MPP7: variants seen among roughly 807,000 people sequenced by gnomAD.
MPP7 encodes the protein MAGUK p55 scaffold protein 7.
Under a neutral mutation model 76.5 loss-of-function variants are expected in MPP7, and 60 were observed. That is an observed-to-expected ratio of 0.78 (90% CI 0.64 to 0.97). The LOEUF (loss-of-function observed/expected upper bound fraction) is 0.97, where lower values mean the gene tolerates loss of function less well. Among genes scored for constraint, MPP7 ranks in the 50% least tolerant of loss-of-function variants. MPP7 has a pLI of 0.00. For synonymous variants in MPP7, 237 were observed against 244.5 expected (o/e 0.97, Z 0.29); for missense variants, 641 against 694.0 (o/e 0.92, Z 0.86).
intron 1 of MPP7, among the ~76,000 whole-genome samples, chr10:28,302,337 C>G (rs1204564224): frequency 6.6e-6 from 1 of 152,096 alleles, no homozygotes; most frequent in Non-Finnish European, 1.5e-5. Context: ...TTTTAAATAG[C>G]AAATAAGTAA....
chr10:28,069,379 T>C (rs1285796009), intron 13 of MPP7, among the ~76,000 whole-genome samples: 1 of 151,964 alleles, frequency 6.6e-6, no homozygotes, highest in African/African-American at 2.4e-5. Context: ...CCGAGGCAGG[T>C]GGATCACAAG....
At chr10:28,305,265 T>C (rs1841245818), upstream of MPP7, 1 of 152,210 alleles carries the variant, frequency 6.6e-6, no homozygotes. Context: ...AGAGTGCTAC[T>C]AGACAGGTTG....
At chr10:28,312,102 T>C (rs1841293147) in intron 2 of MPP7, among the ~76,000 whole-genome samples, 1 of 152,156 alleles carries the variant, frequency 6.6e-6, no homozygotes, top group Non-Finnish European at 1.5e-5. Flanking sequence ...CAAGATTTAT[T>C]GTGAAGAGCG....
chr10:28,089,966 C>A (rs917814560), intron 11 of MPP7, 125 bp from the exon 12 acceptor site: 18 of 608,424 alleles, frequency 3.0e-5, no homozygotes, highest in Admixed American at 1.2e-4. Flanking sequence ...AAAGTTAAAA[C>A]CCTAATGTTT....
At chr10:28,096,661 C>A (rs1001472431) in intron 11 of MPP7, among the ~76,000 whole-genome samples, 3 of 152,038 alleles carry the variant, frequency 2.0e-5, no homozygotes, top group Admixed American at 6.6e-5. Context: ...TGATTCCTTC[C>A]ATTGTTTCTA....
intron 1 of MPP7, among the ~76,000 whole-genome samples, chr10:28,270,346 G>C (rs1840281214): frequency 2.0e-5 from 3 of 152,078 alleles, no homozygotes; most frequent in Admixed American, 1.3e-4. Flanking sequence ...CAGCCCAGCA[G>C]TTCAGAAGCT....
chr10:28,110,997 G>T (rs899669683), intron 11 of MPP7, among the ~76,000 whole-genome samples: 1 of 152,126 alleles, frequency 6.6e-6, no homozygotes, highest in Non-Finnish European at 1.5e-5. Context: ...TGGAAGTTTG[G>T]ATGTACAACA....
chr10:28,114,540 T>G (rs1210637199), intron 11 of MPP7, among the ~76,000 whole-genome samples: 1 of 152,130 alleles, frequency 6.6e-6, no homozygotes, highest in Admixed American at 6.5e-5. Flanking sequence ...AACGTCCCAT[T>G]CTGCTGGATG....
rs1218137209 is a variant in MPP7, at chr10:28,155,593, G to A, written c.157-5534C>T. On this transcript the variant is annotated intron_variant, in intron 3 of 16. Coordinates refer to ENST00000683449, the MANE Select transcript of MPP7 (RefSeq NM_001318170.2). ...AGCCTGGGCAACAGAGCCAGACCCT[G>A]TCTCCAAAAAAAAAAAGAAAGAAAA... Among the ~76,000 whole-genome samples, 6 of 63,862 alleles carry A rather than the reference G, an allele frequency of 9.4e-5. No homozygotes were observed. In the African/African-American group the frequency reaches 9.6e-4, roughly 10 times the overall value. 41.9% of individuals were successfully genotyped at this position (63,862 alleles called of 152,430 possible). A position where few individuals can be genotyped will look rare whatever the true frequency, so the allele number is the denominator to read the frequency against.
chr10:28,291,928 TAC>T (rs1483897499), intron 1 of MPP7, among the ~76,000 whole-genome samples: 2 of 152,208 alleles, frequency 1.3e-5, no homozygotes, highest in Non-Finnish European at 2.9e-5. Context: ...GTAGTGAGTG[TAC>T]AGTCATGCCC....
intron 4 of MPP7, among the ~76,000 whole-genome samples, chr10:28,148,141 T>C (rs1835768719): frequency 6.6e-6 from 1 of 152,158 alleles, no homozygotes; most frequent in South Asian, 2.1e-4. Flanking sequence ...ATAGTACCAA[T>C]TGTAAAATGA....
chr10:28,271,824 A>T (rs1406799820), intron 1 of MPP7, among the ~76,000 whole-genome samples: 1 of 152,038 alleles, frequency 6.6e-6, no homozygotes, highest in Admixed American at 6.6e-5. Flanking sequence ...AAATACAAAA[A>T]ATTAACCAAG....
intron 12 of MPP7, 130 bp downstream of exon 12, chr10:28,089,541 G>A (rs540166016): frequency 2.5e-6 from 2 of 791,128 alleles, no homozygotes; most frequent in Admixed American, 2.5e-5. Flanking sequence ...TTTTGTTTCA[G>A]AGACAAGACA....
chr10:28,159,919 A>G (rs1161374029), intron 3 of MPP7, among the ~76,000 whole-genome samples: 2 of 152,214 alleles, frequency 1.3e-5, no homozygotes, highest in Non-Finnish European at 2.9e-5. Context: ...TGGTACAACA[A>G]CAAAAAGCCA....
chr10:28,262,275 A>ATT (rs1331900519), intron 1 of MPP7, among the ~76,000 whole-genome samples: 1 of 24,670 alleles, frequency 4.1e-5, no homozygotes, highest in Non-Finnish European at 8.1e-5. Context: ...ATATATATAT[A>ATT]TATTTTTTTT....
intron 2 of MPP7, among the ~76,000 whole-genome samples, chr10:28,226,313 C>G (rs1405349935): frequency 6.6e-6 from 1 of 151,508 alleles, no homozygotes; most frequent in Non-Finnish European, 1.5e-5. Flanking sequence ...GTGGTATAAT[C>G]TCGGCTCACT....
intron 1 of MPP7, among the ~76,000 whole-genome samples, chr10:28,297,524 C>G (rs1841062149): frequency 6.6e-6 from 1 of 152,138 alleles, no homozygotes; most frequent in Non-Finnish European, 1.5e-5. Context: ...CAGAGTGAAA[C>G]CCCATCTCTA....
At chr10:28,314,618 C>T (rs1049913667) in intron 2 of MPP7, among the ~76,000 whole-genome samples, 1 of 152,194 alleles carries the variant, frequency 6.6e-6, no homozygotes, top group Admixed American at 6.5e-5. Flanking sequence ...AAGATTGGAA[C>T]ACTGAATGAC....
At chr10:28,268,507 G>A (rs1413539422) in intron 1 of MPP7, among the ~76,000 whole-genome samples, 1 of 152,076 alleles carries the variant, frequency 6.6e-6, no homozygotes, top group African/African-American at 2.4e-5. Flanking sequence ...CAAGGCACAC[G>A]GATGACTTGA....
Sources: allele counts gnomAD v4.1 joint callset (sites outside exome capture counted in the v4.1 genomes callset), GRCh38; gene constraint gnomAD v4.1.1; transcripts MANE v1.5; gene names NCBI Gene and HGNC (gene_info 2026-07-23, HGNC 2026-07-21).